Variants in DIAPH3 observed in about 807,000 individuals in gnomAD.
DIAPH3 encodes the protein diaphanous related formin 3, also known as protein diaphanous homolog 3.
A neutral mutation model predicts 144.3 loss-of-function variants in DIAPH3; 117 were observed. The ratio of observed to expected loss-of-function variants is 0.81; its 90% CI spans 0.70 to 0.95. The LOEUF is 0.95. Among genes scored for constraint, DIAPH3 ranks in the 40% least tolerant of loss-of-function variants. The probability of loss-of-function intolerance (pLI) is 0.00; values close to 1 mark genes in which losing one functional copy is unlikely to be tolerated. For missense variants in DIAPH3, 1,421 were observed against 1,412.7 expected, an observed-to-expected ratio of 1.01 and a Z score of -0.09; for synonymous variants, 519 against 488.9, an observed-to-expected ratio of 1.06 and a Z score of -0.81.
chr13:60,120,663 C>T (rs1053724984), intron 2 of DIAPH3, among the ~76,000 whole-genome samples: 7 of 152,328 alleles, frequency 4.6e-5, no homozygotes, highest in South Asian at 2.1e-4. Flanking sequence ...AATACGTGTT[C>T]TAAAGCCAGC....
chr13:60,044,116 G>T (rs1217401279), intron 4 of DIAPH3: 1 of 152,138 alleles, frequency 6.6e-6, no homozygotes, highest in East Asian at 1.9e-4. Context: ...TGTTGAGAAG[G>T]TATCTATATA....
At chr13:59,725,685 T>C (rs975733059) in intron 27 of DIAPH3, among the ~76,000 whole-genome samples, 15 of 152,154 alleles carry the variant, frequency 9.9e-5, no homozygotes, top group Non-Finnish European at 1.6e-4. Context: ...AATTCTACCA[T>C]AGCTTAAATT....
At chr13:60,144,925 G>GAT (rs1951434426) in intron 1 of DIAPH3, 1 of 152,176 alleles carries the variant, frequency 6.6e-6, no homozygotes. Context: ...ATTGTATAGG[G>GAT]ATCTGTTCCT....
At chr13:59,875,839 C>T (rs932567460) in intron 21 of DIAPH3, among the ~76,000 whole-genome samples, 4 of 152,032 alleles carry the variant, frequency 2.6e-5, no homozygotes, top group African/African-American at 9.7e-5. Flanking sequence ...CCTTTTCTCT[C>T]GAATCCAGAG....
At chr13:59,830,396 CTAAA>C (rs1443139354) in intron 24 of DIAPH3, among the ~76,000 whole-genome samples, 3 of 151,738 alleles carry the variant, frequency 2.0e-5, no homozygotes, top group Admixed American at 6.6e-5. Context: ...TATTTTTCTC[CTAAA>C]TAAAATTTCT....
chr13:59,839,350 G>C lies in DIAPH3; in HGVS notation c.2836C>G (p.His946Asp). 1 of 1,613,616 alleles carries C rather than the reference G, an allele frequency of 6.2e-7. No individual in the cohort carries two copies. Among genetic ancestry groups the C allele is most frequent in the Non-Finnish European group, 8.5e-7 (1 of 1,179,738 alleles). The change falls in exon 23 of 28, where the codon CAT becomes GAT. Residue 946 changes from histidine (H) to aspartate (D), a missense_variant. His to Asp is a moderately conservative substitution (Grantham distance 81, BLOSUM62 -1). Transcript: ENST00000400324. ...LETFPPPEDL[H>D]DKFVTKMSRF... ...GACATCTTTGTCACAAACTTGTCAT[G>C]CAAGTCCTCAGGAGGGGGAAAGGTT...
intron 7 of DIAPH3, among the ~76,000 whole-genome samples, chr13:60,011,960 A>T (rs919019443): frequency 2.0e-5 from 3 of 152,204 alleles, no homozygotes; most frequent in Non-Finnish European, 4.4e-5. Flanking sequence ...AATAGAAACA[A>T]TAAAACAGTA....
chr13:60,151,405 A>C (rs977785710), intron 1 of DIAPH3, among the ~76,000 whole-genome samples: 1 of 152,228 alleles, frequency 6.6e-6, no homozygotes, highest in Non-Finnish European at 1.5e-5. Flanking sequence ...TCACAGTTTA[A>C]GGGTGGGACT....
intron 9 of DIAPH3, among the ~76,000 whole-genome samples, chr13:60,005,482 T>C (rs1314790483): frequency 3.3e-5 from 5 of 152,226 alleles, no homozygotes; most frequent in African/African-American, 9.6e-5. Context: ...GAATCACACT[T>C]TTTTTCTTTT....
chr13:59,974,663 G>A (rs2050570784), intron 14 of DIAPH3, among the ~76,000 whole-genome samples: 1 of 151,800 alleles, frequency 6.6e-6, no homozygotes. Context: ...CATTCACAAG[G>A]GGGCAGAAAA....
intron 25 of DIAPH3, among the ~76,000 whole-genome samples, chr13:59,793,933 A>G (rs1024549942): frequency 6.6e-6 from 1 of 152,202 alleles, no homozygotes; most frequent in Non-Finnish European, 1.5e-5. Context: ...TACCTCAAAT[A>G]TAATACAGAC....
At chr13:59,722,665 T>A (rs566059201) in intron 27 of DIAPH3, among the ~76,000 whole-genome samples, 1 of 152,318 alleles carries the variant, frequency 6.6e-6, no homozygotes, top group East Asian at 1.9e-4. Context: ...GTGTGGATTG[T>A]AACAGGCACT....
intron 23 of DIAPH3, chr13:59,838,111 T>C (rs1361655277): frequency 1.3e-5 from 2 of 152,128 alleles, no homozygotes; most frequent in Non-Finnish European, 2.9e-5. Context: ...GGAGTGTCTA[T>C]TTATAAGAGC....
intron 14 of DIAPH3, among the ~76,000 whole-genome samples, chr13:59,975,931 T>C (rs562780887): frequency 3.1e-4 from 47 of 151,882 alleles, no homozygotes; most frequent in Non-Finnish European, 6.2e-4. Context: ...CTATATCTAA[T>C]CAAATTACTA....
At chr13:59,996,059 G>C (rs1448993888) in intron 9 of DIAPH3, among the ~76,000 whole-genome samples, 2 of 151,996 alleles carry the variant, frequency 1.3e-5, no homozygotes, top group Non-Finnish European at 2.9e-5. Flanking sequence ...TCAACAGTGA[G>C]AGAGTGATCA....
chr13:59,766,572 T>C (rs1030287521), intron 27 of DIAPH3, among the ~76,000 whole-genome samples: 3 of 152,166 alleles, frequency 2.0e-5, no homozygotes, highest in Non-Finnish European at 4.4e-5. Flanking sequence ...TCTGCACCTA[T>C]GCTTTCATAT....
At chr13:60,080,165 G>C (rs547485364) in intron 4 of DIAPH3, among the ~76,000 whole-genome samples, 1 of 151,834 alleles carries the variant, frequency 6.6e-6, no homozygotes, top group African/African-American at 2.4e-5. Flanking sequence ...AAAATATATT[G>C]TATTTTGTTC....
chr13:60,131,656 G>A (rs532654304), intron 2 of DIAPH3, among the ~76,000 whole-genome samples: 20 of 152,116 alleles, frequency 1.3e-4, no homozygotes, highest in Non-Finnish European at 2.6e-4. Context: ...AACAGAGAGG[G>A]ATTATTTATG....
intron 24 of DIAPH3, among the ~76,000 whole-genome samples, chr13:59,823,982 T>C (rs923589327): frequency 1.3e-5 from 2 of 152,170 alleles, no homozygotes; most frequent in Admixed American, 6.6e-5. Context: ...GTTCACAACA[T>C]AGATTTCAAT....
Sources: gnomAD v4.1 joint callset for allele counts (sites outside exome capture counted in the v4.1 genomes callset) on GRCh38, gnomAD v4.1.1 for gene constraint, MANE v1.5 for transcripts, NCBI Gene and HGNC (gene_info 2026-07-23, HGNC 2026-07-21) for gene names.